The following FAR1 variants were observed in gnomAD, a reference collection of about 807,000 sequenced individuals.
FAR1 encodes fatty acyl-CoA reductase 1, also known as male sterility domain-containing protein 2.
A neutral mutation model predicts 61.1 loss-of-function variants in FAR1; 22 were observed. That is an observed-to-expected ratio of 0.36 (90% CI 0.26 to 0.51). FAR1 has a LOEUF of 0.51. Among genes scored for constraint, FAR1 ranks in the 20% least tolerant of loss-of-function variants. The pLI is 0.95. For synonymous variants in FAR1, 206 were observed against 209.7 expected, an observed-to-expected ratio of 0.98 and a Z score of 0.15; for missense variants, 359 against 626.9, an observed-to-expected ratio of 0.57 and a Z score of 4.56.
At chr11:13,701,389 A>G (rs1848372264) in intron 3 of FAR1, among the ~76,000 whole-genome samples, 1 of 152,122 alleles carries the variant, frequency 6.6e-6, no homozygotes, top group Admixed American at 6.5e-5. Context: ...TGTATCTCAT[A>G]AATATGTACA....
intron 9 of FAR1, chr11:13,720,076 TCA>T (rs537194031): frequency 6.6e-6 from 1 of 152,170 alleles, no homozygotes; most frequent in Non-Finnish European, 1.5e-5. Flanking sequence ...TCTATAAATT[TCA>T]CACACAAATA....
chr11:13,712,194 T>C (rs1848506670), intron 7 of FAR1, 148 bp downstream of exon 7: 2 of 606,638 alleles, frequency 3.3e-6, no homozygotes, highest in Admixed American at 2.8e-5. Flanking sequence ...GAGTTGGTAT[T>C]ATCACAGACA....
In FAR1 at chr11:13,721,676, G is replaced by T; in HGVS notation, c.1128-54G>T. 1 of 1,536,680 alleles carries T rather than the reference G, an allele frequency of 6.5e-7. No homozygotes were observed. Among genetic ancestry groups the T allele is most frequent in the Non-Finnish European group, 8.8e-7 (1 of 1,130,064 alleles). ...AAACTTGCACCCTGGGTGGTGATAGGATTTTTCCTAATCTATACAAAATAT... is the reference window on the plus strand; with the variant it reads ...AAACTTGCACCCTGGGTGGTGATAGTATTTTTCCTAATCTATACAAAATAT... On this transcript the variant is annotated intron_variant, in intron 9 of 11. Coordinates refer to ENST00000354817, the MANE Select transcript of FAR1 (RefSeq NM_032228.6). This position sits in a 1 kb window ranked among gnomAD's most constrained non-coding sequence, Gnocchi z 4.2.
At chr11:13,712,909 GA>G in intron 7 of FAR1, 56 bp from the exon 8 acceptor site, 1 of 1,391,826 alleles carries the variant, frequency 7.2e-7, no homozygotes, top group Non-Finnish European at 1.0e-6. Flanking sequence ...GTAGGACTTA[GA>G]TTGGATATGT....
chr11:13,702,589 AGT>A (rs1370459825), intron 3 of FAR1, among the ~76,000 whole-genome samples: 2 of 152,180 alleles, frequency 1.3e-5, no homozygotes, highest in Non-Finnish European at 2.9e-5. Flanking sequence ...AAAATTCATT[AGT>A]GTGAAATGGT....
chr11:13,726,804 A>C (rs1591274249), intron 10 of FAR1, among the ~76,000 whole-genome samples: 1 of 151,238 alleles, frequency 6.6e-6, no homozygotes, highest in East Asian at 1.9e-4. Context: ...ATGTTTCCTA[A>C]GTCTTCATTT....
intron 2 of FAR1, among the ~76,000 whole-genome samples, chr11:13,698,024 C>A (rs1848326731): frequency 6.6e-6 from 1 of 152,086 alleles, no homozygotes; most frequent in South Asian, 2.1e-4. Flanking sequence ...ACTCCCAGGG[C>A]TTCAGTTACT....
rs371454079 is a variant in FAR1, at chr11:13,714,731, C to G, written c.1127+51C>G. The stretch of plus-strand genomic sequence containing the variant: ...CTGTTCCTCTGTTAAACAACCCATG[C>G]TTACACTAAAATGCATATTAACTCT... On this transcript the variant is annotated intron_variant, in intron 9 of 11. Transcript: ENST00000354817. 52 of 1,501,012 alleles carry G rather than the reference C, an allele frequency of 3.5e-5. No individual in the cohort carries two copies. The African/African-American group carries it at 6.5e-4, about 19-fold the overall frequency. 93.0% of individuals were successfully genotyped at this position (1,501,012 alleles called of 1,614,324 possible).
At chr11:13,709,953 C>G (rs1311685871) in intron 4 of FAR1, among the ~76,000 whole-genome samples, 4 of 152,038 alleles carry the variant, frequency 2.6e-5, no homozygotes, top group African/African-American at 4.8e-5. Context: ...GTATATCGCC[C>G]TCCTTTTACA....
rs1006573809 is a variant in FAR1, at chr11:13,670,498, G to A, written c.-8+1692G>A. ...GTAGAGGCGGGGTTTCACCATATTG[G>A]CCAGGCTGGTCTCGAACCCCTGACT... is the stretch of plus-strand genomic sequence containing the variant. On this transcript the variant is annotated intron_variant, in intron 1 of 11. Transcript: ENST00000354817. 1.5e-4 allele frequency among the ~76,000 whole-genome samples: 23 copies of A among 152,126 alleles called. 1 individual carries two copies. The South Asian group carries it at 4.6e-3, about 30-fold the overall frequency.
intron 10 of FAR1, among the ~76,000 whole-genome samples, chr11:13,726,913 G>A (rs1376976162): frequency 1.3e-5 from 2 of 151,868 alleles, no homozygotes; most frequent in African/African-American, 4.8e-5. Flanking sequence ...GGTATATACT[G>A]AATAATATCT....
intron 10 of FAR1, among the ~76,000 whole-genome samples, chr11:13,724,046 A>C (rs1848642945): frequency 6.6e-6 from 1 of 152,152 alleles, no homozygotes; most frequent in African/African-American, 2.4e-5. Context: ...TTTTTAAAAA[A>C]TATTTGTTTG....
chr11:13,719,806 C>T (rs556503273), intron 9 of FAR1: 8 of 152,262 alleles, frequency 5.3e-5, no homozygotes, highest in Admixed American at 2.6e-4. Context: ...AAAGAATGAT[C>T]AGACCCACAA....
chr11:13,688,177 CA>C (rs1280590864), intron 1 of FAR1, among the ~76,000 whole-genome samples: 6 of 147,458 alleles, frequency 4.1e-5, no homozygotes, highest in African/African-American at 9.9e-5. Flanking sequence ...TTGTTGGCAG[CA>C]AAAAAAAATA....
intron 10 of FAR1, chr11:13,723,500 C>T (rs976460774): frequency 6.0e-6 from 2 of 334,076 alleles, no homozygotes; most frequent in Non-Finnish European, 1.2e-5. Context: ...TCCATTTTCT[C>T]TTTATGTTTG....
intron 8 of FAR1, 39 bp downstream of exon 8, chr11:13,713,072 C>T: frequency 6.4e-7 from 1 of 1,559,422 alleles, no homozygotes; most frequent in Non-Finnish European, 8.8e-7. Flanking sequence ...TAGAATAAAT[C>T]TTAAAGAACC....
At chr11:13,719,762 G>T (rs546659392) in intron 9 of FAR1, 1 of 152,254 alleles carries the variant, frequency 6.6e-6, no homozygotes, top group South Asian at 2.1e-4. Flanking sequence ...ATGGTGACAA[G>T]CATCTTATAG....
chr11:13,709,271 C>G (rs1848472989), intron 4 of FAR1, among the ~76,000 whole-genome samples: 1 of 152,062 alleles, frequency 6.6e-6, no homozygotes, highest in South Asian at 2.1e-4. Context: ...TGAGAAATTA[C>G]CAAGACATTT....
chr11:13,727,531 A>G (rs1475459973), intron 10 of FAR1, 25 bp from the exon 11 acceptor site: 2 of 1,567,208 alleles, frequency 1.3e-6, no homozygotes, highest in South Asian at 1.2e-5. Flanking sequence ...CAAGAAAATA[A>G]TCAGTAATTT....
Sources: allele counts gnomAD v4.1 joint callset (sites outside exome capture counted in the v4.1 genomes callset), GRCh38; gene constraint gnomAD v4.1.1; non-coding constraint Gnocchi (gnomAD v3.1); transcripts MANE v1.5; gene names NCBI Gene and HGNC (gene_info 2026-07-23, HGNC 2026-07-21).